The following SVOPL variants were observed in gnomAD, a reference collection of about 807,000 sequenced individuals.
SVOPL encodes the protein SVOP like, also known as putative transporter SVOPL.
In SVOPL, 60 loss-of-function variants were observed where a neutral mutation model predicts 61.0. That is an observed-to-expected ratio of 0.98 (90% CI 0.80 to 1.22). The LOEUF is 1.22. Ranked by LOEUF, SVOPL falls within the 50% of genes most tolerant of loss-of-function variation. SVOPL has a pLI of 0.00. For synonymous variants in SVOPL, 279 were observed against 250.0 expected (o/e 1.12, Z -1.09); for missense variants, 662 against 643.9 (o/e 1.03, Z -0.30).
At chr7:138,652,761 A>G (rs2117038725) in intron 7 of SVOPL, among the ~76,000 whole-genome samples, 1 of 152,036 alleles carries the variant, frequency 6.6e-6, no homozygotes, top group South Asian at 2.1e-4. Flanking sequence ...AGTAGCTGGG[A>G]TTACAGGTGC....
chr7:138,663,807 C>T (rs1584853814), intron 4 of SVOPL, among the ~76,000 whole-genome samples: 1 of 150,412 alleles, frequency 6.6e-6, no homozygotes, highest in Admixed American at 6.6e-5. Flanking sequence ...CCCTGACTGA[C>T]GGCCTCCAGG....
intron 2 of SVOPL, 91 bp downstream of exon 2, chr7:138,678,870 GCTT>G (rs761554007): frequency 2.9e-4 from 375 of 1,295,416 alleles, no homozygotes; most frequent in Non-Finnish European, 3.5e-4. Context: ...ATGCCTGGCT[GCTT>G]CTTTTGACCT....
At chr7:138,640,550 T>G (rs1191178574) in intron 9 of SVOPL, among the ~76,000 whole-genome samples, 1 of 152,148 alleles carries the variant, frequency 6.6e-6, no homozygotes, top group East Asian at 1.9e-4. Context: ...GCACCCAGCT[T>G]TTTAAAAAAT....
rs1282652827 is a variant in SVOPL, at chr7:138,689,394, T to C, written c.-34-10315A>G. The C allele has an allele frequency of 6.9e-6, 10 of 1,453,724 alleles. No individual in the cohort carries two copies. The Admixed American group carries it at 1.7e-4, about 24-fold the overall frequency. 90.1% of individuals were successfully genotyped at this position (1,453,724 alleles called of 1,614,324 possible). A position where few individuals can be genotyped will look rare whatever the true frequency, so the allele number is the denominator to read the frequency against. On this transcript the variant is annotated intron_variant, in intron 1 of 15. Transcript: ENST00000674285. Reference sequence around the variant, plus strand: ...CAGAGCTTATGGTCGGATTTACCCATGCATGAGCTCTCCCTGCCACATCGA... The same window carrying C: ...CAGAGCTTATGGTCGGATTTACCCACGCATGAGCTCTCCCTGCCACATCGA...
intron 4 of SVOPL, among the ~76,000 whole-genome samples, chr7:138,670,468 C>A (rs369692198): frequency 1.3e-5 from 2 of 152,108 alleles, no homozygotes; most frequent in African/African-American, 4.8e-5. Context: ...TTTTTGACAA[C>A]GGGATGACTC....
intron 4 of SVOPL, chr7:138,663,391 G>C: frequency 7.2e-7 from 1 of 1,379,914 alleles, no homozygotes; most frequent in Non-Finnish European, 9.4e-7. Context: ...TCTGCCGCCC[G>C]CTTGTTGCTA....
chr7:138,695,534 A>G (rs1803046529), intron 1 of SVOPL, among the ~76,000 whole-genome samples: 1 of 152,138 alleles, frequency 6.6e-6, no homozygotes, highest in Non-Finnish European at 1.5e-5. Flanking sequence ...GCAAATATTC[A>G]GGTATGACAA....
At chr7:138,653,410 G>A (rs1225593050) in intron 7 of SVOPL, among the ~76,000 whole-genome samples, 2 of 152,150 alleles carry the variant, frequency 1.3e-5, no homozygotes, top group African/African-American at 4.8e-5. Context: ...TCAAAGGACG[G>A]GCTGAATCTG....
Position 138,628,277 on chromosome 7 carries a change from T to C in SVOPL, c.950A>G (p.Asp317Gly). Reference protein sequence around the residue: ...ERDLVCGSKSDSAVVVTGGDS... With the variant: ...ERDLVCGSKSGSAVVVTGGDS... ...CCCCCCAGTCACCACCACCGCAGAG[T>C]CTGACTTTGAACCACAGACCAAGTC... Residue 317 changes from aspartate (D) to glycine (G), a missense_variant, in exon 11 of 16, where the codon GAC (aspartate) becomes GGC (glycine). Asp to Gly is a moderately conservative substitution (Grantham distance 94). Coordinates refer to ENST00000674285, the MANE Select transcript of SVOPL (RefSeq NM_001139456.2). 2 of 1,613,168 alleles carry C rather than the reference T, an allele frequency of 1.2e-6. No individual in the cohort carries two copies. Among genetic ancestry groups the C allele is most frequent in the Non-Finnish European group, 8.5e-7 (1 of 1,179,788 alleles).
chr7:138,698,238 G>T (rs1803114923), intron 1 of SVOPL, among the ~76,000 whole-genome samples: 1 of 152,160 alleles, frequency 6.6e-6, no homozygotes, highest in African/African-American at 2.4e-5. Flanking sequence ...TCTTCTGCCT[G>T]CATTTCCTCA....
intron 1 of SVOPL, among the ~76,000 whole-genome samples, chr7:138,693,529 A>AAAAGAAAGAAG (rs1802990290): frequency 8.5e-6 from 1 of 117,086 alleles, no homozygotes; most frequent in Non-Finnish European, 1.7e-5. Context: ...AAAAGAAAGA[A>AAAAGAAAGAAG]AAAGAAAGAA....
intron 7 of SVOPL, among the ~76,000 whole-genome samples, chr7:138,653,713 A>G (rs928275683): frequency 1.3e-5 from 2 of 152,120 alleles, no homozygotes; most frequent in African/African-American, 4.8e-5. Flanking sequence ...AGGTGGGTGG[A>G]TCACAAGGTC....
At chr7:138,639,805 C>T (rs1365590790) in intron 9 of SVOPL, among the ~76,000 whole-genome samples, 1 of 152,060 alleles carries the variant, frequency 6.6e-6, no homozygotes. Context: ...ACATCCTAGG[C>T]TCAAGCCTCC....
chr7:138,676,387 T>C (rs769812811), intron 3 of SVOPL, among the ~76,000 whole-genome samples: 2 of 152,218 alleles, frequency 1.3e-5, no homozygotes, highest in African/African-American at 4.8e-5. Context: ...AAGATCAAAG[T>C]GCCAGCAGGT....
At position 138,641,833 on chromosome 7, in the gene SVOPL, T is replaced by TATATATAA. The variant is rs1554464901; in HGVS notation, c.789+2883_789+2884insTTATATAT. On this transcript the variant is annotated intron_variant, in intron 9 of 15. Coordinates refer to ENST00000674285, the MANE Select transcript of SVOPL (RefSeq NM_001139456.2). The stretch of plus-strand genomic sequence containing the variant: ...TATATGTTATATATATATATATATA[T>TATATATAA]AACATATATATATAACATATATATA... Among the ~76,000 whole-genome samples, 330 of 37,218 alleles carry TATATATAA rather than the reference T, an allele frequency of 8.9e-3. 2 individuals carry two copies. The highest frequency in any genetic ancestry group is 0.028 in the Middle Eastern group (1 of 36). The allele number at this position is 37,218 out of a possible 152,430, so 24.4% of individuals were successfully genotyped here.
intron 14 of SVOPL, among the ~76,000 whole-genome samples, chr7:138,602,441 C>CGCTATA (rs1798563952): frequency 1.4e-5 from 2 of 140,690 alleles, no homozygotes; most frequent in South Asian, 4.6e-4. Flanking sequence ...AAGGCAGTTG[C>CGCTATA]TATATATATA....
At chr7:138,627,510 G>A in intron 11 of SVOPL, 49 bp from the exon 12 acceptor site, 2 of 1,402,238 alleles carry the variant, frequency 1.4e-6, no homozygotes, top group Non-Finnish European at 2.0e-6. Context: ...GAAGGCAAGT[G>A]GCATATTGCA....
At chr7:138,692,561 TA>T (rs972147162) in intron 1 of SVOPL, among the ~76,000 whole-genome samples, 20 of 152,274 alleles carry the variant, frequency 1.3e-4, no homozygotes, top group African/African-American at 4.6e-4. Context: ...TATTTCTGAT[TA>T]AAAAATAATA....
chr7:138,655,971 G>A (rs1407278117), intron 7 of SVOPL, among the ~76,000 whole-genome samples: 3 of 152,144 alleles, frequency 2.0e-5, no homozygotes, highest in Non-Finnish European at 4.4e-5. Flanking sequence ...CTATCAAACA[G>A]CATTGCATCC....
Sources: gnomAD v4.1 joint callset for allele counts (sites outside exome capture counted in the v4.1 genomes callset) on GRCh38, gnomAD v4.1.1 for gene constraint, MANE v1.5 for transcripts, NCBI Gene and HGNC (gene_info 2026-07-23, HGNC 2026-07-21) for gene names.